RALGPS1: variants seen among roughly 807,000 people sequenced by gnomAD.
RALGPS1 encodes the protein Ral GEF with PH domain and SH3 binding motif 1, also known as ras-specific guanine nucleotide-releasing factor RalGPS1.
RALGPS1 carries 19 observed loss-of-function variants against 78.8 expected under a neutral mutation model. That is an observed-to-expected ratio of 0.24 (90% CI 0.17 to 0.35). RALGPS1 has a LOEUF of 0.35. Ranked by LOEUF, RALGPS1 falls within the 10% of genes least tolerant of loss-of-function variation. RALGPS1 has a pLI of 1.00. For missense variants in RALGPS1, 454 were observed against 688.3 expected (o/e 0.66, Z 3.81); for synonymous variants, 228 against 256.3 (o/e 0.89, Z 1.06).
chr9:127,063,702 C>G (rs967458921), intron 7 of RALGPS1, among the ~76,000 whole-genome samples: 1 of 151,964 alleles, frequency 6.6e-6, no homozygotes, highest in African/African-American at 2.4e-5. Flanking sequence ...TATATTAGTT[C>G]TTGTTTAATA....
intron 8 of RALGPS1, among the ~76,000 whole-genome samples, chr9:127,085,170 C>G (rs1281062893): frequency 6.6e-6 from 1 of 152,184 alleles, no homozygotes; most frequent in Non-Finnish European, 1.5e-5. Flanking sequence ...CCTGTTCACA[C>G]AAGCCCAGCA....
chr9:126,996,896 G>A (rs572954268), intron 4 of RALGPS1, among the ~76,000 whole-genome samples: 1 of 152,210 alleles, frequency 6.6e-6, no homozygotes, highest in Admixed American at 6.5e-5. Flanking sequence ...ATCAATAAAT[G>A]TAATCCAGCA....
intron 8 of RALGPS1, among the ~76,000 whole-genome samples, chr9:127,073,466 C>CTATGTGTGTGTGTGTG (rs2050392130): frequency 7.0e-6 from 1 of 142,920 alleles, no homozygotes. Context: ...GTGTGTGTGT[C>CTATGTGTGTGTGTGTG]TGTGTGTGTG....
At chr9:127,213,845 C>T (rs150091750) in intron 17 of RALGPS1, 1 of 152,384 alleles carries the variant, frequency 6.6e-6, no homozygotes, top group African/African-American at 2.4e-5. Context: ...CAAGATTCTG[C>T]ATTTCCAGCA....
intron 1 of RALGPS1, among the ~76,000 whole-genome samples, chr9:126,923,942 T>C (rs1471220426): frequency 6.6e-6 from 1 of 152,262 alleles, no homozygotes; most frequent in Non-Finnish European, 1.5e-5. Context: ...TATCTCTGGC[T>C]ATATCTGCTA....
intron 1 of RALGPS1, among the ~76,000 whole-genome samples, chr9:126,956,766 T>C (rs1307725102): frequency 6.6e-6 from 1 of 152,212 alleles, no homozygotes. Flanking sequence ...ATTTTTTGTT[T>C]GTTTTAGGAA....
At chr9:127,038,732 G>A (rs909057931) in intron 5 of RALGPS1, among the ~76,000 whole-genome samples, 3 of 152,338 alleles carry the variant, frequency 2.0e-5, no homozygotes, top group African/African-American at 7.2e-5. Context: ...CAGTCCAGGG[G>A]AATCTGTGCT....
At chr9:127,157,052 G>T (rs544841721) in intron 8 of RALGPS1, among the ~76,000 whole-genome samples, 1 of 151,962 alleles carries the variant, frequency 6.6e-6, no homozygotes, top group South Asian at 2.1e-4. Flanking sequence ...ATGTATTGCT[G>T]GGCTCCCTTT....
intron 11 of RALGPS1, among the ~76,000 whole-genome samples, chr9:127,194,601 T>TG (rs1296100651): frequency 6.6e-6 from 1 of 152,060 alleles, no homozygotes; most frequent in Non-Finnish European, 1.5e-5. Context: ...TTAGTAGAGA[T>TG]GGGGTTTCAC....
At chr9:127,003,778 T>G (rs1360100530) in intron 4 of RALGPS1, among the ~76,000 whole-genome samples, 1 of 152,192 alleles carries the variant, frequency 6.6e-6, no homozygotes, top group Non-Finnish European at 1.5e-5. Flanking sequence ...ACATAGGTAA[T>G]GTGTGCCATG....
chr9:127,170,636 A>G (rs2059524432), intron 10 of RALGPS1, among the ~76,000 whole-genome samples: 2 of 152,344 alleles, frequency 1.3e-5, no homozygotes, highest in South Asian at 4.1e-4. Context: ...ATGCACCAGT[A>G]TTGTGATAAA....
intron 3 of RALGPS1, among the ~76,000 whole-genome samples, chr9:126,971,364 A>G (rs903520064): frequency 6.9e-6 from 1 of 144,800 alleles, no homozygotes; most frequent in Admixed American, 6.8e-5. Context: ...TACTAAAGAC[A>G]TATTTTTTTT....
At chr9:126,993,154 C>T (rs959499533) in intron 4 of RALGPS1, among the ~76,000 whole-genome samples, 1 of 152,146 alleles carries the variant, frequency 6.6e-6, no homozygotes, top group Non-Finnish European at 1.5e-5. Context: ...CTTTTTCAGT[C>T]TGTTACTTTA....
intron 4 of RALGPS1, among the ~76,000 whole-genome samples, chr9:127,033,016 G>T (rs1163553405): frequency 1.3e-5 from 2 of 152,236 alleles, no homozygotes; most frequent in Admixed American, 1.3e-4. Context: ...AGAATTACAT[G>T]AGATGACATA....
intron 1 of RALGPS1, among the ~76,000 whole-genome samples, chr9:126,945,253 C>T (rs895854799): frequency 6.6e-6 from 1 of 152,142 alleles, no homozygotes; most frequent in African/African-American, 2.4e-5. Context: ...GGCTGGAGTG[C>T]GGTGGCACAA....
At chr9:127,185,604 T>A (rs1200856960) in intron 11 of RALGPS1, among the ~76,000 whole-genome samples, 2 of 152,258 alleles carry the variant, frequency 1.3e-5, no homozygotes, top group African/African-American at 4.8e-5. Flanking sequence ...TGGCACCTTG[T>A]AGATGCTCAG....
chr9:127,080,466 T>C lies in RALGPS1; in HGVS notation c.610+11110T>C, dbSNP rs1041076370. On this transcript the variant is annotated intron_variant, in intron 8 of 18. Coordinates refer to ENST00000259351, the MANE Select transcript of RALGPS1 (RefSeq NM_014636.3). ...GTATGTGTTCTTCCAGACATTCTTA[T>C]CCACAAATACAAAAGGACATGCCTG... 7.9e-5 allele frequency among the ~76,000 whole-genome samples: 12 copies of C among 152,354 alleles called. 2 individuals are homozygous for C. In the South Asian group the frequency reaches 1.7e-3, roughly 21 times the overall value.
intron 2 of RALGPS1, among the ~76,000 whole-genome samples, chr9:126,964,416 T>C (rs1456010963): frequency 6.6e-6 from 1 of 151,880 alleles, no homozygotes; most frequent in African/African-American, 2.4e-5. Context: ...CGAGTCCCCT[T>C]GAATCAGCCC....
At chr9:127,089,235 C>T in intron 8 of RALGPS1, 1 of 1,317,668 alleles carries the variant, frequency 7.6e-7, no homozygotes. Flanking sequence ...CTCTGGGAGG[C>T]ATCTGGAGCA....
Sources: allele counts gnomAD v4.1 joint callset (sites outside exome capture counted in the v4.1 genomes callset), GRCh38; gene constraint gnomAD v4.1.1; transcripts MANE v1.5; gene names NCBI Gene and HGNC (gene_info 2026-07-23, HGNC 2026-07-21).